The following ONECUT2 variants were observed in gnomAD, a reference collection of about 807,000 sequenced individuals.
The protein encoded by ONECUT2 is one cut domain family member 2.
A neutral mutation model predicts 27.9 loss-of-function variants in ONECUT2; 10 were observed. That is an observed-to-expected ratio of 0.36 (90% CI 0.22 to 0.61). The LOEUF (loss-of-function observed/expected upper bound fraction) is 0.61. Ranked by LOEUF, ONECUT2 falls within the 20% of genes least tolerant of loss-of-function variation. The pLI is 0.73. For missense variants in ONECUT2, 686 were observed against 721.0 expected (o/e 0.95, Z 0.56); for synonymous variants, 334 against 315.1 (o/e 1.06, Z -0.64).
intron 1 of ONECUT2, among the ~76,000 whole-genome samples, chr18:57,444,079 G>C (rs1450495100): frequency 6.6e-6 from 1 of 152,192 alleles, no homozygotes; most frequent in African/African-American, 2.4e-5. Flanking sequence ...TTTTTAAAGG[G>C]AAAGGTAAAA....
intron 1 of ONECUT2, among the ~76,000 whole-genome samples, chr18:57,468,873 T>A (rs2050338485): frequency 6.6e-6 from 1 of 152,174 alleles, no homozygotes; most frequent in Non-Finnish European, 1.5e-5. Flanking sequence ...ATTTTTACTT[T>A]AAAGGCTCTT....
At chr18:57,437,015 T>A in intron 1 of ONECUT2, 71 bp downstream of exon 1, 1 of 1,493,120 alleles carries the variant, frequency 6.7e-7, no homozygotes, top group Non-Finnish European at 8.9e-7. Flanking sequence ...GTGGCCCAAG[T>A]CTGCGCGCCG....
intron 1 of ONECUT2, among the ~76,000 whole-genome samples, chr18:57,458,185 T>C (rs1260496540): frequency 6.6e-6 from 1 of 152,244 alleles, no homozygotes; most frequent in South Asian, 2.1e-4. Context: ...TTAAAATTAT[T>C]TTTAATTATT....
At chr18:57,443,436 A>G (rs1401084717) in intron 1 of ONECUT2, among the ~76,000 whole-genome samples, 3 of 152,180 alleles carry the variant, frequency 2.0e-5, no homozygotes, top group African/African-American at 7.2e-5. Flanking sequence ...GGGAGAGTCC[A>G]TAATGAGGAA....
Position 57,476,792 on chromosome 18 carries a change from G to A in ONECUT2, c.*69G>A. The A allele has an allele frequency of 1.3e-6, 2 of 1,519,290 alleles. No homozygotes were observed. The highest frequency in any genetic ancestry group is 4.2e-5 in the Admixed American group (2 of 47,686). 94.1% of individuals were successfully genotyped at this position (1,519,290 alleles called of 1,614,324 possible). On this transcript the variant is annotated 3_prime_UTR_variant, in exon 2 of 2. Coordinates refer to ENST00000491143, the MANE Select transcript of ONECUT2 (RefSeq NM_004852.3). ...CAACAGATACCAAAAGAAAACAAAG[G>A]AAAAAGACACCGGATTCCTAGCTGG... is the stretch of plus-strand genomic sequence containing the variant.
In ONECUT2 at chr18:57,477,202, A is replaced by C. The variant is rs932758335; in HGVS notation, c.*479A>C. 1 of 159,820 alleles carries C rather than the reference A, an allele frequency of 6.3e-6. No individual in the cohort carries two copies. The highest frequency in any genetic ancestry group is 1.4e-5 in the Non-Finnish European group (1 of 72,086). The allele number at this position is 159,820 out of a possible 1,614,324, so 9.9% of individuals were successfully genotyped here. A position where few individuals can be genotyped will look rare whatever the true frequency, so the allele number is the denominator to read the frequency against. On this transcript the variant is annotated 3_prime_UTR_variant, in exon 2 of 2. Transcript: ENST00000491143. ...ACAATAAGAGAAGAATCTAGCAACG[A>C]GAATGACCTCATTTGCTTTCCACAT... is the stretch of plus-strand genomic sequence containing the variant.
chr18:57,452,041 C>T (rs1248660594), intron 1 of ONECUT2, among the ~76,000 whole-genome samples: 3 of 152,122 alleles, frequency 2.0e-5, no homozygotes, highest in Non-Finnish European at 4.4e-5. Context: ...TTGGAAGCTG[C>T]CACTGCTATG....
intron 1 of ONECUT2, among the ~76,000 whole-genome samples, chr18:57,459,104 G>A (rs2050276042): frequency 6.6e-6 from 1 of 152,108 alleles, no homozygotes; most frequent in Non-Finnish European, 1.5e-5. Context: ...AATTACAAAT[G>A]TGGTCTCAGT....
In ONECUT2 at chr18:57,489,198, A is replaced by G. The variant is rs141243888; in HGVS notation, c.*12475A>G. ...CTTCCACATCAGAAGTCCCCCTCCC[A>G]CCATCCTCTGCATCCTGTTTAGCTA... is the stretch of plus-strand genomic sequence containing the variant. On this transcript the variant is annotated 3_prime_UTR_variant, in exon 2 of 2. Transcript: ENST00000491143. The G allele has an allele frequency of 6.6e-6, 1 of 152,244 alleles. No homozygotes were observed. The highest frequency in any genetic ancestry group is 1.5e-5 in the Non-Finnish European group (1 of 68,030). The allele number at this position is 152,244 out of a possible 1,614,324, so 9.4% of individuals were successfully genotyped here. A position where few individuals can be genotyped will look rare whatever the true frequency, so the allele number is the denominator to read the frequency against.
intron 1 of ONECUT2, among the ~76,000 whole-genome samples, chr18:57,451,118 C>G (rs2050227776): frequency 6.6e-6 from 1 of 152,184 alleles, no homozygotes; most frequent in African/African-American, 2.4e-5. Context: ...ATACATCTTA[C>G]GTGGAAATTA....
intron 1 of ONECUT2, among the ~76,000 whole-genome samples, chr18:57,456,090 A>C (rs2050257733): frequency 6.6e-6 from 1 of 152,214 alleles, no homozygotes; most frequent in South Asian, 2.1e-4. Context: ...AAAATAACAA[A>C]TGTTGGCAAG....
chr18:57,452,269 T>A (rs2050234657), intron 1 of ONECUT2, among the ~76,000 whole-genome samples: 1 of 152,166 alleles, frequency 6.6e-6, no homozygotes, highest in Non-Finnish European at 1.5e-5. Flanking sequence ...GCATCTTCCC[T>A]TTAGCCCCAC....
chr18:57,476,663 G>T lies in ONECUT2; in HGVS notation c.1455G>T (p.Trp485Cys). The T allele has an allele frequency of 6.2e-7, 1 of 1,614,166 alleles. No individual in the cohort carries two copies. Among genetic ancestry groups the T allele is most frequent in the Non-Finnish European group, 8.5e-7 (1 of 1,180,040 alleles). The change falls in exon 2 of 2, where the codon TGG becomes TGT. Residue 485 changes from tryptophan to cysteine, a missense_variant. Physicochemically the swap from Trp to Cys is radical, Grantham distance 215. Around this residue, in one of 4 missense-constraint regions of ONECUT2, gnomAD observed 77 missense variants for 105.5 expected, o/e 0.73. Coordinates refer to ENST00000491143, the MANE Select transcript of ONECUT2 (RefSeq NM_004852.3). ...CCCGGCGCCGCAGCCTGGAGAAGTGGCAAGACGATCTGAGCACAGGGGGCT... is the reference window on the plus strand; with the variant it reads ...CCCGGCGCCGCAGCCTGGAGAAGTGTCAAGACGATCTGAGCACAGGGGGCT... ...MNARRRSLEK[W>C]QDDLSTGGSS...
At chr18:57,455,737 C>T (rs184132111) in intron 1 of ONECUT2, among the ~76,000 whole-genome samples, 206 of 152,168 alleles carry the variant, frequency 1.4e-3, no homozygotes, top group African/African-American at 4.6e-3. Context: ...GGGAAGCCTG[C>T]AGTGAGGACT....
rs183807325 is a variant in ONECUT2, at chr18:57,468,297, C to G, written c.1229-8140C>G. The stretch of plus-strand genomic sequence containing the variant: ...GGAAAGCCAGCTCTCAACCTTGAAA[C>G]AAAGCCATTAAGTTTCTCATCTGAC... On this transcript the variant is annotated intron_variant, in intron 1 of 1. Coordinates refer to ENST00000491143, the MANE Select transcript of ONECUT2 (RefSeq NM_004852.3). Among the ~76,000 whole-genome samples the G allele has an allele frequency of 3.3e-5, 5 of 152,300 alleles. No homozygotes were observed. The South Asian group carries it at 1.0e-3, about 32-fold the overall frequency.
intron 1 of ONECUT2, among the ~76,000 whole-genome samples, chr18:57,441,036 G>A (rs893024470): frequency 6.6e-6 from 1 of 152,228 alleles, no homozygotes. Context: ...GGGTGGGCGG[G>A]AGCGGGCAGA....
chr18:57,462,594 T>C (rs562927735), intron 1 of ONECUT2, among the ~76,000 whole-genome samples: 1 of 152,238 alleles, frequency 6.6e-6, no homozygotes, highest in African/African-American at 2.4e-5. Flanking sequence ...GGTCTCACTT[T>C]GTTGCACAGG....
At position 57,436,659 on chromosome 18, in the gene ONECUT2, C is replaced by T. The variant is rs756301929; in HGVS notation, c.943C>T (p.Pro315Ser). 2.5e-6 allele frequency: 4 copies of T among 1,612,354 alleles called. No homozygotes were observed. The highest frequency in any genetic ancestry group is 3.4e-6 in the Non-Finnish European group (4 of 1,179,872). The part of the protein sequence containing the change: ...GPVLAPSRER[P>S]PSSSSGSQVA... Reference sequence around the variant, plus strand: ...GGTGCTGGCACCCAGTCGCGAGCGGCCACCCTCGTCCTCATCGGGCTCGCA... The same window carrying T: ...GGTGCTGGCACCCAGTCGCGAGCGGTCACCCTCGTCCTCATCGGGCTCGCA... Residue 315 changes from proline (P) to serine (S), a missense_variant, in exon 1 of 2, where the codon CCA (proline) becomes TCA (serine). By Grantham distance (74) the Pro-to-Ser change is moderately conservative. Transcript: ENST00000491143. This position sits in a 1 kb window ranked among gnomAD's most constrained non-coding sequence, Gnocchi z 5.9.
intron 1 of ONECUT2, among the ~76,000 whole-genome samples, chr18:57,460,344 C>T (rs2050283501): frequency 6.6e-6 from 1 of 152,166 alleles, no homozygotes; most frequent in Non-Finnish European, 1.5e-5. Flanking sequence ...ACTAATCCAA[C>T]AGTTTCTGAA....
Sources: allele counts gnomAD v4.1 joint callset (sites outside exome capture counted in the v4.1 genomes callset), GRCh38; gene constraint gnomAD v4.1.1; regional missense constraint gnomAD v4.1.1; non-coding constraint Gnocchi (gnomAD v3.1); transcripts MANE v1.5; gene names NCBI Gene and HGNC (gene_info 2026-07-23, HGNC 2026-07-21).